INO80D: variants seen among roughly 807,000 people sequenced by gnomAD.
The protein encoded by INO80D is INO80 complex subunit D.
Under a neutral mutation model 87.6 loss-of-function variants are expected in INO80D, and 21 were observed. The ratio of observed to expected loss-of-function variants is 0.24; its 90% CI spans 0.17 to 0.35. INO80D has a LOEUF of 0.35. Among genes scored for constraint, INO80D ranks in the 10% least tolerant of loss-of-function variants. The pLI, the probability that INO80D is intolerant of heterozygous loss-of-function variation, is 1.00. For missense variants in INO80D, 982 were observed against 1,280.7 expected (o/e 0.77, Z 3.56); for synonymous variants, 440 against 491.0 (o/e 0.90, Z 1.37).
In INO80D at chr2:206,004,097, A is replaced by G. The variant is rs1687955589; in HGVS notation, c.*271T>C. ...CCACTTCTAGGACTTGCTGCTAAAA[A>G]TCAATCCTATCCAGTCACTGTGCTG... On this transcript the variant is annotated 3_prime_UTR_variant, in exon 11 of 11. Coordinates refer to ENST00000403263, the MANE Select transcript of INO80D (RefSeq NM_017759.5). The surrounding 1 kb of genome is among the most constrained non-coding windows in gnomAD (Gnocchi z 4.9). 2.0e-6 allele frequency: 1 copy of G among 497,064 alleles called. No homozygotes were observed. The highest frequency in any genetic ancestry group is 1.9e-5 in the African/African-American group (1 of 52,288). The allele number at this position is 497,064 out of a possible 1,614,324, so 30.8% of individuals were successfully genotyped here. A position where few individuals can be genotyped will look rare whatever the true frequency, so the allele number is the denominator to read the frequency against.
intron 1 of INO80D, among the ~76,000 whole-genome samples, chr2:206,074,948 A>C (rs904516165): frequency 1.1e-4 from 17 of 150,452 alleles, no homozygotes; most frequent in African/African-American, 3.9e-4. Flanking sequence ...TCGAGGCAGG[A>C]GAATCGCTTA....
intron 1 of INO80D, among the ~76,000 whole-genome samples, chr2:206,078,386 C>T (rs1477023580): frequency 6.6e-6 from 1 of 152,084 alleles, no homozygotes; most frequent in Non-Finnish European, 1.5e-5. Context: ...CACTGCACTC[C>T]AGCCTGGCAA....
At chr2:206,028,072 G>T in intron 6 of INO80D, 39 bp downstream of exon 6, 2 of 1,375,866 alleles carry the variant, frequency 1.5e-6, no homozygotes, top group South Asian at 1.4e-5. Flanking sequence ...AAAGCAAACT[G>T]AGATGAGTCC....
intron 1 of INO80D, among the ~76,000 whole-genome samples, chr2:206,066,250 T>C (rs561640801): frequency 5.1e-4 from 78 of 151,778 alleles, no homozygotes; most frequent in African/African-American, 1.8e-3. Flanking sequence ...AGCGAGACGA[T>C]GTCTCAAAAA....
chr2:205,998,197 A>G lies in INO80D; in HGVS notation c.*6171T>C, dbSNP rs148443234. 4 of 152,270 alleles carry G rather than the reference A, an allele frequency of 2.6e-5. No individual in the cohort carries two copies. Among genetic ancestry groups the G allele is most frequent in the Non-Finnish European group, 5.9e-5 (4 of 67,988 alleles). The allele number at this position is 152,270 out of a possible 1,614,324, so 9.4% of individuals were successfully genotyped here. On this transcript the variant is annotated 3_prime_UTR_variant, in exon 11 of 11. Coordinates refer to ENST00000403263, the MANE Select transcript of INO80D (RefSeq NM_017759.5). ...TTCCAGCTACAGTAGTTGGAGTTTT[A>G]CTTGATCTATGTATTTCTATGTACC...
chr2:206,071,218 C>T, intron 1 of INO80D, among the ~76,000 whole-genome samples: 2 of 137,166 alleles, frequency 1.5e-5, no homozygotes, highest in African/African-American at 5.4e-5. Context: ...CTCAGCCTCC[C>T]AAAGTGCTGG....
rs1442120499 is a variant in INO80D, at chr2:205,999,984, G to A, written c.*4384C>T. On this transcript the variant is annotated 3_prime_UTR_variant, in exon 11 of 11. Coordinates refer to ENST00000403263, the MANE Select transcript of INO80D (RefSeq NM_017759.5). The stretch of plus-strand genomic sequence containing the variant: ...TATATATAAAAAACTCTCCACTCCC[G>A]AGAAATATATTTTTTGTCAGGAAAA... 2 of 151,838 alleles carry A rather than the reference G, an allele frequency of 1.3e-5. No homozygotes were observed. Among genetic ancestry groups the A allele is most frequent in the East Asian group, 1.9e-4 (1 of 5,180 alleles). 9.4% of individuals were successfully genotyped at this position (151,838 alleles called of 1,614,324 possible). A position where few individuals can be genotyped will look rare whatever the true frequency, so the allele number is the denominator to read the frequency against.
chr2:206,027,997 C>T (rs1032371527), intron 6 of INO80D, 114 bp downstream of exon 6: 15 of 643,000 alleles, frequency 2.3e-5, no homozygotes, highest in African/African-American at 3.7e-5. Context: ...AAACATAATG[C>T]TTAAACGTTT....
At chr2:206,040,416 G>A (rs1022240826) in intron 5 of INO80D, 8 of 189,324 alleles carry the variant, frequency 4.2e-5, no homozygotes, top group East Asian at 3.6e-4. Flanking sequence ...TGTAGCCCTC[G>A]GTGGTTGCTG....
chr2:206,059,305 C>A (rs1689621393), intron 3 of INO80D, among the ~76,000 whole-genome samples: 2 of 152,134 alleles, frequency 1.3e-5, no homozygotes, highest in South Asian at 2.1e-4. Context: ...CCCTTGAACC[C>A]ATGAGGTAGA....
intron 6 of INO80D, among the ~76,000 whole-genome samples, chr2:206,024,997 G>A (rs1450584197): frequency 7.2e-5 from 11 of 151,794 alleles, no homozygotes; most frequent in Non-Finnish European, 1.2e-4. Flanking sequence ...CTCATGATCC[G>A]CCCACCTCGG....
Position 206,004,701 on chromosome 2 carries a change from G to A in INO80D, c.2751C>T (p.Ser917=). The change falls in exon 11 of 11, where the codon TCC becomes TCT. Residue 917 remains serine (S), a synonymous_variant. Transcript: ENST00000403263. This position sits in a 1 kb window ranked among gnomAD's most constrained non-coding sequence, Gnocchi z 4.9. ...TCGAAGTGGTGGGTGGCGTGGATAG[G>A]GAAGTGGAAAGAAGATGTCCATCTG... ...LGADGHLLST[S]LSTPPTTSNS... The A allele has an allele frequency of 6.2e-7, 1 of 1,613,944 alleles. No homozygotes were observed. Among genetic ancestry groups the A allele is most frequent in the Non-Finnish European group, 8.5e-7 (1 of 1,179,888 alleles).
intron 6 of INO80D, among the ~76,000 whole-genome samples, chr2:206,023,401 C>T (rs928513923): frequency 3.3e-5 from 5 of 150,488 alleles, no homozygotes; most frequent in Admixed American, 2.0e-4. Flanking sequence ...AAAAAGCTGC[C>T]GGCTGGGCGC....
chr2:206,007,231 C>CT, intron 10 of INO80D, 53 bp downstream of exon 10: 1 of 1,508,030 alleles, frequency 6.6e-7, no homozygotes, highest in Non-Finnish European at 9.1e-7. Flanking sequence ...TATTTCTTTT[C>CT]TTATAAACTC....
chr2:206,010,087 G>T (rs74482950), intron 8 of INO80D, among the ~76,000 whole-genome samples: 26 of 95,998 alleles, frequency 2.7e-4, no homozygotes, highest in Non-Finnish European at 6.2e-4. Flanking sequence ...ACACACACAC[G>T]CACACACACG....
At chr2:206,006,018 T>A (rs752517538) in intron 10 of INO80D, among the ~76,000 whole-genome samples, 11 of 152,210 alleles carry the variant, frequency 7.2e-5, no homozygotes, top group Admixed American at 5.9e-4. Context: ...CAGAAATTCA[T>A]ACATCTATTT....
chr2:206,083,855 C>T (rs1690351957), intron 1 of INO80D, among the ~76,000 whole-genome samples: 1 of 122,418 alleles, frequency 8.2e-6, no homozygotes, highest in Admixed American at 8.7e-5. Flanking sequence ...CTGCCCTAAG[C>T]TCACCAAAAA....
At chr2:206,042,680 C>A (rs374969782) in intron 5 of INO80D, among the ~76,000 whole-genome samples, 241 of 126,122 alleles carry the variant, frequency 1.9e-3, no homozygotes, top group Admixed American at 2.5e-3. Context: ...GACTTTGTCT[C>A]AAAAAAAAAA....
chr2:206,031,915 G>A (rs1037104074), intron 5 of INO80D, among the ~76,000 whole-genome samples: 48 of 152,174 alleles, frequency 3.2e-4, no homozygotes, highest in African/African-American at 1.1e-3. Flanking sequence ...AACACACACC[G>A]CTGCTGGGGA....
Sources: gnomAD v4.1 joint callset for allele counts (sites outside exome capture counted in the v4.1 genomes callset) on GRCh38, gnomAD v4.1.1 for gene constraint, Gnocchi (gnomAD v3.1) non-coding constraint, MANE v1.5 for transcripts, NCBI Gene and HGNC (gene_info 2026-07-23, HGNC 2026-07-21) for gene names.